The following DOK1 variants were observed in gnomAD, a reference collection of about 807,000 sequenced individuals.
The protein encoded by DOK1 is Downstream of tyrosine kinase 1.
In DOK1, 12 loss-of-function variants were observed where a neutral mutation model predicts 24.0. That is an observed-to-expected ratio of 0.50 (90% CI 0.32 to 0.81). The LOEUF is 0.81. Among genes scored for constraint, DOK1 ranks in the 30% least tolerant of loss-of-function variants. DOK1 has a pLI of 0.03. For synonymous variants in DOK1, 250 were observed against 260.9 expected (o/e 0.96, Z 0.40); for missense variants, 591 against 620.7 (o/e 0.95, Z 0.51).
rs975230414 is a variant in DOK1 at position 74,549,276 on chromosome 2, C to G, written c.-358+104C>G. ...GCGCGTCCCGACCCCCGGGTCCTCC[C>G]GTGCCCCGGACCTGCTCAGATGTCT... On this transcript the variant is annotated intron_variant, in intron 1 of 4. Transcript: ENST00000409429. The surrounding 1 kb of genome is among the most constrained non-coding windows in gnomAD (Gnocchi z 5.3). 7.3e-6 allele frequency: 10 copies of G among 1,369,224 alleles called. No homozygotes were observed. Among genetic ancestry groups the G allele is most frequent in the African/African-American group, 4.4e-5 (3 of 68,104 alleles). 84.8% of individuals were successfully genotyped at this position (1,369,224 alleles called of 1,614,324 possible).
upstream of DOK1, chr2:74,554,426 T>G: frequency 2.6e-6 from 1 of 377,580 alleles, no homozygotes; most frequent in Non-Finnish European, 4.8e-6. The surrounding 1 kb of genome is among the most constrained non-coding windows in gnomAD (Gnocchi z 4.9). Context: ...TGTCATGGCT[T>G]TCACTCTGAC....
At chr2:74,552,385 G>C (rs370340732), upstream of DOK1, 1 of 1,612,882 alleles carries the variant, frequency 6.2e-7, no homozygotes, top group Admixed American at 1.7e-5. Flanking sequence ...CCCAGCTCCC[G>C]GCAGAGGATG....
Position 74,556,683 on chromosome 2 carries a change from G to C in DOK1, c.1015G>C (p.Asp339His). ...GVQRKKPLYW[D>H]LYEHAQQQLL... is the part of the protein sequence containing the mutation. Reference sequence around the variant, plus strand: ...ACAACGGAAGAAACCTCTCTATTGGGACTTGTATGAGCATGCGCAGCAGCA... The same window carrying C: ...ACAACGGAAGAAACCTCTCTATTGGCACTTGTATGAGCATGCGCAGCAGCA... Residue 339 changes from aspartate to histidine, a missense_variant, in exon 5 of 5, where the codon GAC becomes CAC. By Grantham distance (81) the Asp-to-His change is moderately conservative (BLOSUM62 -1). Transcript: ENST00000233668. This position sits in a 1 kb window ranked among gnomAD's most constrained non-coding sequence, Gnocchi z 4.1. 6.2e-7 allele frequency: 1 copy of C among 1,614,244 alleles called. No individual in the cohort carries two copies. Among genetic ancestry groups the C allele is most frequent in the Non-Finnish European group, 8.5e-7 (1 of 1,180,046 alleles).
chr2:74,556,612 A>G lies in DOK1; in HGVS notation c.944A>G (p.Tyr315Cys). ...IAPCPSQDSL[Y>C]SDPLDSTSAQ... ...CCATGCCCTTCCCAGGACTCCCTATACTCAGACCCCTTGGACAGCACGTCT... is the reference window on the plus strand; with the variant it reads ...CCATGCCCTTCCCAGGACTCCCTATGCTCAGACCCCTTGGACAGCACGTCT... The change falls in exon 5 of 5, where the codon TAC (tyrosine) becomes TGC (cysteine). Residue 315 changes from tyrosine (Y) to cysteine (C), a missense_variant. Physicochemically the swap from Tyr to Cys is radical, Grantham distance 194. Transcript: ENST00000233668. This position sits in a 1 kb window ranked among gnomAD's most constrained non-coding sequence, Gnocchi z 4.1. The G allele has an allele frequency of 6.2e-7, 1 of 1,614,098 alleles. No homozygotes were observed.
In DOK1 at chr2:74,555,964, G is replaced by C; in HGVS notation, c.525G>C (p.Val175=). 1 of 1,613,914 alleles carries C rather than the reference G, an allele frequency of 6.2e-7. No homozygotes were observed. Among genetic ancestry groups the C allele is most frequent in the Non-Finnish European group, 8.5e-7 (1 of 1,179,948 alleles). The change falls in exon 4 of 5, where the codon GTG becomes GTC. Residue 175 remains valine (V), a synonymous_variant. Transcript: ENST00000233668. This position sits in a 1 kb window ranked among gnomAD's most constrained non-coding sequence, Gnocchi z 6.1. ...AERCGLHGSY[V]LRVEAERLTL... The stretch of plus-strand genomic sequence containing the variant: ...GCTGTGGCCTGCATGGCTCCTACGT[G>C]CTGAGGGTGGAGGCTGAAAGGCTGA...
upstream of DOK1, chr2:74,549,764 C>G: frequency 1.2e-5 from 17 of 1,430,110 alleles, no homozygotes; most frequent in Non-Finnish European, 1.5e-5. This position sits in a 1 kb window ranked among gnomAD's most constrained non-coding sequence, Gnocchi z 5.3. Flanking sequence ...TTGCAGCCAG[C>G]AGCGCGTGGG....
upstream of DOK1, chr2:74,549,979 A>C: frequency 1.0e-6 from 1 of 985,482 alleles, no homozygotes; most frequent in Non-Finnish European, 1.2e-6. The surrounding 1 kb of genome is among the most constrained non-coding windows in gnomAD (Gnocchi z 5.3). Context: ...GGAGAGGCTC[A>C]TGCCAGGTTT....
chr2:74,550,262 A>C, upstream of DOK1: 2 of 1,614,204 alleles, frequency 1.2e-6, no homozygotes, highest in East Asian at 4.5e-5. Context: ...TCGTGCGTAC[A>C]GTCACTGTTC....
upstream of DOK1, chr2:74,554,419 C>A (rs933374783): frequency 2.5e-5 from 9 of 365,698 alleles, no homozygotes; most frequent in Admixed American, 8.9e-5. This position sits in a 1 kb window ranked among gnomAD's most constrained non-coding sequence, Gnocchi z 4.9. Context: ...GGGGTGATGT[C>A]ATGGCTTTCA....
At position 74,555,994 on chromosome 2, in the gene DOK1, C is replaced by A; in HGVS notation, c.555C>A (p.Leu185=). ...GGGTGGAGGCTGAAAGGCTGACTCT[C>A]CTGACCGTGGGGGCCCAGAGTCAGA... The part of the protein sequence containing the change: ...VLRVEAERLT[L]LTVGAQSQIL... Residue 185 remains leucine, a synonymous_variant, in exon 4 of 5, where the codon CTC becomes CTA. Coordinates refer to ENST00000233668, the MANE Select transcript of DOK1 (RefSeq NM_001381.5). This position sits in a 1 kb window ranked among gnomAD's most constrained non-coding sequence, Gnocchi z 6.1. 1 of 1,613,970 alleles carries A rather than the reference C, an allele frequency of 6.2e-7. No individual in the cohort carries two copies. Among genetic ancestry groups the A allele is most frequent in the Non-Finnish European group, 8.5e-7 (1 of 1,179,936 alleles).
Position 74,557,409 on chromosome 2 carries a change from G to A in DOK1, c.*295G>A. The A allele has an allele frequency of 2.9e-6, 1 of 348,594 alleles. No individual in the cohort carries two copies. Among genetic ancestry groups the A allele is most frequent in the Non-Finnish European group, 5.3e-6 (1 of 189,562 alleles). 21.6% of individuals were successfully genotyped at this position (348,594 alleles called of 1,614,324 possible). ...GTCTGTGGAAAGTGGTGCATGGTCA[G>A]AATGGGTGCAGTTTGAGGGGCCTGT... On this transcript the variant is annotated 3_prime_UTR_variant, in exon 5 of 5. Coordinates refer to ENST00000233668, the MANE Select transcript of DOK1 (RefSeq NM_001381.5).
At chr2:74,552,936 C>A (rs189612307), upstream of DOK1, 105 of 358,444 alleles carry the variant, frequency 2.9e-4, no homozygotes, top group African/African-American at 2.0e-3. Context: ...AGAGACTGAG[C>A]AAGAGACACG....
chr2:74,553,666 TCCTGGCGGC>T (rs974689720), upstream of DOK1, among the ~76,000 whole-genome samples: 12 of 151,840 alleles, frequency 7.9e-5, no homozygotes, highest in Non-Finnish European at 1.6e-4. Context: ...CTTAGGGCGC[TCCTGGCGGC>T]CCTGTTCGAA....
rs765772693 is a variant in DOK1 at position 74,549,403 on chromosome 2, G to A, written c.-358+231G>A. 2 of 1,611,190 alleles carry A rather than the reference G, an allele frequency of 1.2e-6. No individual in the cohort carries two copies. The highest frequency in any genetic ancestry group is 1.7e-6 in the Non-Finnish European group (2 of 1,178,544). Reference sequence around the variant, plus strand: ...GCCGCGTTGACCCTCTTTTCGCTGGGGAAGCCCAGCATCCCGCAGACCACG... The same window carrying A: ...GCCGCGTTGACCCTCTTTTCGCTGGAGAAGCCCAGCATCCCGCAGACCACG... On this transcript the variant is annotated intron_variant, in intron 1 of 4. Coordinates refer to the DOK1 transcript ENST00000409429. This position sits in a 1 kb window ranked among gnomAD's most constrained non-coding sequence, Gnocchi z 5.3.
chr2:74,552,795 C>A, upstream of DOK1: 1 of 674,474 alleles, frequency 1.5e-6, no homozygotes, highest in Non-Finnish European at 2.4e-6. Flanking sequence ...GCCCCAGGGA[C>A]CAAGAGACAG....
At chr2:74,550,470 G>A, upstream of DOK1, 2 of 1,070,896 alleles carry the variant, frequency 1.9e-6, no homozygotes, top group East Asian at 2.4e-5. Context: ...CATCTTTCTG[G>A]TATGATAAGG....
chr2:74,553,780 C>G (rs1056416469), upstream of DOK1: 1 of 152,662 alleles, frequency 6.6e-6, no homozygotes, highest in Non-Finnish European at 1.5e-5. Context: ...GGTGGCTTCC[C>G]CTCGACTCCA....
At chr2:74,553,672 C>T (rs1448855107), upstream of DOK1, among the ~76,000 whole-genome samples, 1 of 152,176 alleles carries the variant, frequency 6.6e-6, no homozygotes, top group Non-Finnish European at 1.5e-5. Flanking sequence ...GCGCTCCTGG[C>T]GGCCCTGTTC....
At chr2:74,551,506 C>G (rs1677008035), upstream of DOK1, among the ~76,000 whole-genome samples, 1 of 152,262 alleles carries the variant, frequency 6.6e-6, no homozygotes. Context: ...TATTTAAAAA[C>G]AACCATTACG....
Sources: allele counts gnomAD v4.1 joint callset (sites outside exome capture counted in the v4.1 genomes callset), GRCh38; gene constraint gnomAD v4.1.1; non-coding constraint Gnocchi (gnomAD v3.1); transcripts MANE v1.5; gene names NCBI Gene and HGNC (gene_info 2026-07-23, HGNC 2026-07-21).